The following NFKB1 variants were observed in gnomAD, a reference collection of about 807,000 sequenced individuals.
NFKB1 encodes the protein nuclear factor kappa B subunit 1, also known as nuclear factor NF-kappa-B p105 subunit.
A neutral mutation model predicts 105.1 loss-of-function variants in NFKB1; 9 were observed. The ratio of observed to expected loss-of-function variants is 0.09; its 90% CI spans 0.05 to 0.15. NFKB1 has a LOEUF of 0.15. NFKB1 is among the 10% of genes least tolerant of loss of function. The pLI is 1.00. For synonymous variants in NFKB1, 440 were observed against 442.2 expected (o/e 1.00, Z 0.06); for missense variants, 830 against 1,203.7 (o/e 0.69, Z 4.59).
intron 5 of NFKB1, among the ~76,000 whole-genome samples, chr4:102,552,055 T>C (rs963262109): frequency 6.6e-6 from 1 of 152,154 alleles, no homozygotes; most frequent in African/African-American, 2.4e-5. Flanking sequence ...GCTGCATTAA[T>C]GGAAACACGA....
Position 102,579,011 on chromosome 4 carries a change from C to T in NFKB1, c.702C>T (p.Pro234=), listed in dbSNP as rs749189141. The T allele has an allele frequency of 1.3e-5, 21 of 1,613,892 alleles. No homozygotes were observed. The African/African-American group carries it at 1.6e-4, about 12-fold the overall frequency. Residue 234 remains proline (P), a synonymous_variant, in exon 8 of 24, where the codon CCC becomes CCT. Coordinates refer to ENST00000226574, the MANE Select transcript of NFKB1 (RefSeq NM_003998.4). ...GCAGCTTCACAAGGCGCCTGGAACC[C>T]GTGGTATCAGACGCCATCTATGACA... ...STGSFTRRLE[P]VVSDAIYDSK...
chr4:102,613,584 A>G lies in NFKB1; in HGVS notation c.2749+3A>G, dbSNP rs1161592865. 6.4e-7 allele frequency: 1 copy of G among 1,551,934 alleles called. No homozygotes were observed. The highest frequency in any genetic ancestry group is 2.3e-5 in the East Asian group (1 of 43,122). On this transcript the variant is annotated splice_donor_region_variant and intron_variant, in intron 23 of 23. Transcript: ENST00000226574. ...TGCCTCCACAAGGCAGCAAATAGGTAAAAAAAAAGACAAAAGACAGTGGAG... is the reference window on the plus strand; with the variant it reads ...TGCCTCCACAAGGCAGCAAATAGGTGAAAAAAAAGACAAAAGACAGTGGAG...
chr4:102,599,712 G>A (rs939672492), intron 15 of NFKB1, among the ~76,000 whole-genome samples: 1 of 152,096 alleles, frequency 6.6e-6, no homozygotes, highest in African/African-American at 2.4e-5. Flanking sequence ...GTTATATGAC[G>A]CCTGCAAGTC....
At chr4:102,560,392 G>A (rs894072089) in intron 5 of NFKB1, among the ~76,000 whole-genome samples, 1 of 152,170 alleles carries the variant, frequency 6.6e-6, no homozygotes, top group Admixed American at 6.5e-5. Context: ...TTTATTCATC[G>A]TCTCTGTGTA....
Position 102,594,927 on chromosome 4 carries a change from G to A in NFKB1, c.1246G>A (p.Gly416Ser), listed in dbSNP as rs369442929. 24 of 1,611,510 alleles carry A rather than the reference G, an allele frequency of 1.5e-5. No homozygotes were observed. In the Admixed American group the frequency reaches 1.5e-4, roughly 10 times the overall value. Reference sequence around the variant, plus strand: ...CCCACACTATGGATTTCCTACTTATGGTGGGATTACTTTCCATCCTGGAAC... The same window carrying A: ...CCCACACTATGGATTTCCTACTTATAGTGGGATTACTTTCCATCCTGGAAC... ...SFPHYGFPTYGGITFHPGTTK... is the reference protein window; with the variant it reads ...SFPHYGFPTYSGITFHPGTTK... The change falls in exon 13 of 24, where the codon GGT becomes AGT. Residue 416 changes from glycine to serine, a missense_variant. By Grantham distance (56) the Gly-to-Ser change is moderately conservative. Transcript: ENST00000226574.
At chr4:102,540,023 A>C (rs1053110660) in intron 5 of NFKB1, among the ~76,000 whole-genome samples, 1 of 152,202 alleles carries the variant, frequency 6.6e-6, no homozygotes, top group South Asian at 2.1e-4. Flanking sequence ...TGTCACATGT[A>C]TAAATATTGT....
At chr4:102,551,369 C>CGCGT (rs1553931303) in intron 5 of NFKB1, among the ~76,000 whole-genome samples, 23 of 85,644 alleles carry the variant, frequency 2.7e-4, no homozygotes, top group African/African-American at 1.8e-3. Flanking sequence ...TGTGTGTGTG[C>CGCGT]GCGCGCGCAT....
intron 1 of NFKB1, among the ~76,000 whole-genome samples, chr4:102,513,214 G>A (rs1348437884): frequency 1.3e-5 from 2 of 152,168 alleles, no homozygotes; most frequent in East Asian, 1.9e-4. Flanking sequence ...CTCACACCAT[G>A]AACAGAGGTA....
At chr4:102,587,835 A>C (rs1179644974) in intron 11 of NFKB1, among the ~76,000 whole-genome samples, 1 of 152,166 alleles carries the variant, frequency 6.6e-6, no homozygotes, top group Non-Finnish European at 1.5e-5. Flanking sequence ...AGGAGAAATA[A>C]TCTGACCAGG....
intron 10 of NFKB1, among the ~76,000 whole-genome samples, chr4:102,583,845 G>C (rs1725505275): frequency 6.6e-6 from 1 of 151,728 alleles, no homozygotes; most frequent in Non-Finnish European, 1.5e-5. Flanking sequence ...TAAGTGGCCA[G>C]TTAAATTATG....
intron 23 of NFKB1, among the ~76,000 whole-genome samples, chr4:102,614,235 C>A (rs1728721932): frequency 6.6e-6 from 1 of 152,150 alleles, no homozygotes; most frequent in Non-Finnish European, 1.5e-5. Context: ...ACATTGGCAG[C>A]CTTCCATCCG....
chr4:102,541,990 A>C (rs538978978), intron 5 of NFKB1, among the ~76,000 whole-genome samples: 18 of 152,230 alleles, frequency 1.2e-4, no homozygotes, highest in African/African-American at 4.1e-4. Context: ...TCAGGGGCCA[A>C]CTTGAAAGAT....
At chr4:102,586,891 T>C (rs941642995) in intron 11 of NFKB1, among the ~76,000 whole-genome samples, 1 of 152,230 alleles carries the variant, frequency 6.6e-6, no homozygotes, top group Non-Finnish European at 1.5e-5. Flanking sequence ...TAGGTAATCT[T>C]TGAAGAGGGC....
At chr4:102,606,232 A>G (rs994760853) in intron 16 of NFKB1, among the ~76,000 whole-genome samples, 1 of 152,244 alleles carries the variant, frequency 6.6e-6, no homozygotes, top group Non-Finnish European at 1.5e-5. Flanking sequence ...AATATATACA[A>G]TTACTATTTG....
intron 1 of NFKB1, among the ~76,000 whole-genome samples, chr4:102,502,364 C>T (rs924728537): frequency 2.1e-5 from 3 of 141,228 alleles, no homozygotes; most frequent in African/African-American, 5.5e-5. Flanking sequence ...TCTCCCCCCT[C>T]CCCCCCTCCG....
chr4:102,605,229 C>T (rs531729189), intron 16 of NFKB1, among the ~76,000 whole-genome samples: 14 of 152,252 alleles, frequency 9.2e-5, no homozygotes, highest in Non-Finnish European at 1.8e-4. Context: ...CACTTCATTT[C>T]AGGCCAGGTT....
intron 1 of NFKB1, among the ~76,000 whole-genome samples, chr4:102,519,315 TTA>T (rs551157572): frequency 4.6e-4 from 68 of 147,626 alleles, no homozygotes; most frequent in South Asian, 3.6e-3. Flanking sequence ...TATAAAATAT[TTA>T]TATGTTATAT....
chr4:102,565,004 A>G (rs1012925425), intron 5 of NFKB1, among the ~76,000 whole-genome samples: 2 of 152,192 alleles, frequency 1.3e-5, no homozygotes, highest in Non-Finnish European at 1.5e-5. Context: ...TCAGCAATCT[A>G]TAGAGAGTAT....
intron 6 of NFKB1, among the ~76,000 whole-genome samples, chr4:102,576,096 C>T (rs914196135): frequency 6.6e-6 from 1 of 152,138 alleles, no homozygotes; most frequent in Non-Finnish European, 1.5e-5. Context: ...AAATCATTTT[C>T]ATTGCTTTTT....
Sources: gnomAD v4.1 joint callset for allele counts (sites outside exome capture counted in the v4.1 genomes callset) on GRCh38, gnomAD v4.1.1 for gene constraint, MANE v1.5 for transcripts, NCBI Gene and HGNC (gene_info 2026-07-23, HGNC 2026-07-21) for gene names.